Variants in SEZ6L observed in about 807,000 individuals in gnomAD.
SEZ6L encodes the protein seizure 6-like protein.
A neutral mutation model predicts 106.2 loss-of-function variants in SEZ6L; 37 were observed. The observed-to-expected ratio is 0.35, with a 90% CI of 0.27 to 0.46. The LOEUF is 0.46. SEZ6L is among the 20% of genes least tolerant of loss of function. SEZ6L has a pLI of 1.00. For synonymous variants in SEZ6L, 541 were observed against 570.4 expected (o/e 0.95, Z 0.73); for missense variants, 1,172 against 1,332.8 (o/e 0.88, Z 1.88).
At position 26,377,737 on chromosome 22, in the gene SEZ6L, G is replaced by T; in HGVS notation, c.3007G>T (p.Val1003Leu). ...CTCCCACCCCTACAGCCAGATCACC[G>T]TGGAAACCGAGTTTGACAACCCCAT... ...MYSHPYSQIT[V>L]ETEFDNPIYE... The change falls in exon 16 of 17, where the codon GTG becomes TTG. Residue 1003 changes from valine to leucine, a missense_variant. Transcript: ENST00000248933. 1 of 1,613,904 alleles carries T rather than the reference G, an allele frequency of 6.2e-7. No individual in the cohort carries two copies. Among genetic ancestry groups the T allele is most frequent in the Non-Finnish European group, 8.5e-7 (1 of 1,179,862 alleles).
Position 26,375,640 on chromosome 22 carries a change from G to A in SEZ6L, c.2893G>A (p.Val965Ile). ...GNMALAIFIPVLIISLLLGGA... is the reference protein window; with the variant it reads ...GNMALAIFIPILIISLLLGGA... ...CATGGCCCTGGCTATCTTCATCCCG[G>A]TCCTCATCATCTCCTTACTGCTGGG... is the stretch of plus-strand genomic sequence containing the variant. The change falls in exon 15 of 17, where the codon GTC (valine) becomes ATC (isoleucine). Residue 965 changes from valine to isoleucine, a missense_variant. By Grantham distance (29) the Val-to-Ile change is conservative. Around this residue, in one of 4 missense-constraint regions of SEZ6L, gnomAD observed 141 missense variants for 176.0 expected, o/e 0.80. Transcript: ENST00000248933. The A allele has an allele frequency of 6.2e-7, 1 of 1,614,168 alleles. No homozygotes were observed. Among genetic ancestry groups the A allele is most frequent in the Non-Finnish European group, 8.5e-7 (1 of 1,180,024 alleles).
intron 13 of SEZ6L, among the ~76,000 whole-genome samples, chr22:26,371,573 A>G (rs967106262): frequency 3.9e-5 from 6 of 152,048 alleles, no homozygotes; most frequent in African/African-American, 1.4e-4. Context: ...CCGAGGTTGC[A>G]GTGGGCTGAG....
At position 26,380,376 on chromosome 22, in the gene SEZ6L, T is replaced by C; in HGVS notation, c.*81T>C. 9.0e-7 allele frequency: 1 copy of C among 1,117,076 alleles called. No individual in the cohort carries two copies. The highest frequency in any genetic ancestry group is 1.4e-6 in the Non-Finnish European group (1 of 735,796). The allele number at this position is 1,117,076 out of a possible 1,614,324, so 69.2% of individuals were successfully genotyped here. On this transcript the variant is annotated 3_prime_UTR_variant, in exon 17 of 17. Transcript: ENST00000248933. ...ATTCATCCAGAGACCATGTGGCACT[T>C]GATTGAAACCCCAGAATGTCGACTG...
chr22:26,337,817 C>T (rs1054687230), intron 9 of SEZ6L, among the ~76,000 whole-genome samples: 2 of 152,066 alleles, frequency 1.3e-5, no homozygotes, highest in African/African-American at 2.4e-5. Flanking sequence ...AAAATTATGG[C>T]GGCAATCAAA....
At chr22:26,318,531 A>T (rs758614780) in intron 9 of SEZ6L, among the ~76,000 whole-genome samples, 10 of 152,188 alleles carry the variant, frequency 6.6e-5, no homozygotes, top group Admixed American at 6.5e-4. Flanking sequence ...GAAGAAATTC[A>T]TGTTTTTAAG....
At position 26,292,425 on chromosome 22, in the gene SEZ6L, T is replaced by G. The variant is rs548220330; in HGVS notation, c.114T>G (p.Asp38Glu). 6.2e-7 allele frequency: 1 copy of G among 1,613,304 alleles called. No individual in the cohort carries two copies. Among genetic ancestry groups the G allele is most frequent in the Admixed American group, 1.7e-5 (1 of 59,956 alleles). ...TCCAAGATGCTCTTCCCGAGGGAGA[T>G]GCTAGCCCTTTGGGTCCTTACCTCC... Reference protein sequence around the residue: ...ALERDALPEGDASPLGPYLLP... With the variant: ...ALERDALPEGEASPLGPYLLP... The change falls in exon 2 of 17, where the codon GAT becomes GAG. Residue 38 changes from aspartate (D) to glutamate (E), a missense_variant. This residue lies in a region of SEZ6L where 494 missense variants were observed against 445.8 expected (regional missense o/e 1.11). Transcript: ENST00000248933.
In SEZ6L at chr22:26,230,735, G is replaced by A. The variant is rs563346108; in HGVS notation, c.94+60972G>A. ...TGAGAAAAGGGAGGGAGAGAGCCCCGGGAAGAACCAGGGAGAATGTTCTGG... is the reference window on the plus strand; with the variant it reads ...TGAGAAAAGGGAGGGAGAGAGCCCCAGGAAGAACCAGGGAGAATGTTCTGG... On this transcript the variant is annotated intron_variant, in intron 1 of 16. Transcript: ENST00000248933. Among the ~76,000 whole-genome samples the A allele has an allele frequency of 2.9e-4, 44 of 152,256 alleles. 1 individual carries two copies. In the South Asian group the frequency reaches 6.8e-3, roughly 24 times the overall value.
chr22:26,225,107 C>T (rs1380618078), intron 1 of SEZ6L, among the ~76,000 whole-genome samples: 2 of 152,184 alleles, frequency 1.3e-5, no homozygotes, highest in Non-Finnish European at 2.9e-5. Context: ...AGATTTGTCC[C>T]AGCCATTCTA....
At chr22:26,235,664 A>T (rs1378461382) in intron 1 of SEZ6L, among the ~76,000 whole-genome samples, 1 of 152,178 alleles carries the variant, frequency 6.6e-6, no homozygotes, top group East Asian at 1.9e-4. Context: ...AAGAAAGAGA[A>T]GGCATTCTAA....
intron 1 of SEZ6L, among the ~76,000 whole-genome samples, chr22:26,171,161 G>T (rs1938579123): frequency 6.6e-6 from 1 of 152,136 alleles, no homozygotes; most frequent in Non-Finnish European, 1.5e-5. Context: ...ATCACCTTTT[G>T]TTTAACAAAG....
At chr22:26,259,678 G>A (rs2079936490) in intron 1 of SEZ6L, among the ~76,000 whole-genome samples, 2 of 152,198 alleles carry the variant, frequency 1.3e-5, no homozygotes, top group South Asian at 4.1e-4. Flanking sequence ...TCCACCACGT[G>A]AATAGCTCAA....
intron 1 of SEZ6L, among the ~76,000 whole-genome samples, chr22:26,210,054 A>G (rs2078112734): frequency 6.6e-6 from 1 of 151,222 alleles, no homozygotes; most frequent in African/African-American, 2.4e-5. Context: ...TGTAAATACC[A>G]TGCACTATGT....
chr22:26,232,488 T>G (rs1253144923), intron 1 of SEZ6L, among the ~76,000 whole-genome samples: 2 of 152,158 alleles, frequency 1.3e-5, no homozygotes, highest in Non-Finnish European at 2.9e-5. Context: ...TACAGCCATG[T>G]GCCGCATAAC....
At chr22:26,231,288 G>A (rs371364158) in intron 1 of SEZ6L, among the ~76,000 whole-genome samples, 1 of 152,144 alleles carries the variant, frequency 6.6e-6, no homozygotes, top group East Asian at 1.9e-4. Context: ...CCATGGAAAG[G>A]GACAGTAACT....
chr22:26,371,010 A>T (rs945661585), intron 13 of SEZ6L, among the ~76,000 whole-genome samples: 141 of 151,070 alleles, frequency 9.3e-4, no homozygotes, highest in African/African-American at 3.0e-3. Context: ...TATCACAAAA[A>T]AAAAAAAAAA....
chr22:26,298,885 T>C (rs2081373031), intron 4 of SEZ6L, 99 bp from the exon 5 acceptor site: 3 of 1,199,982 alleles, frequency 2.5e-6, no homozygotes, highest in Non-Finnish European at 3.4e-6. Flanking sequence ...AGGGGCCTCA[T>C]CTTCTCTCCC....
chr22:26,342,864 C>G (rs1304543137), intron 10 of SEZ6L, among the ~76,000 whole-genome samples: 1 of 152,182 alleles, frequency 6.6e-6, no homozygotes, highest in Admixed American at 6.5e-5. Context: ...CAAGCTACCC[C>G]CTTGACCATG....
At chr22:26,325,009 G>C (rs1331462089) in intron 9 of SEZ6L, among the ~76,000 whole-genome samples, 3 of 152,154 alleles carry the variant, frequency 2.0e-5, no homozygotes, top group African/African-American at 7.2e-5. Context: ...GGATGGGTTG[G>C]CTGTCGTGGT....
intron 1 of SEZ6L, among the ~76,000 whole-genome samples, chr22:26,269,650 C>T (rs191434741): frequency 6.6e-6 from 1 of 152,324 alleles, no homozygotes; most frequent in Admixed American, 6.5e-5. Context: ...GCTAACGTCT[C>T]CCAGTCTCTG....
Sources: gnomAD v4.1 joint callset for allele counts (sites outside exome capture counted in the v4.1 genomes callset) on GRCh38, gnomAD v4.1.1 for gene constraint, gnomAD v4.1.1 regional missense constraint, MANE v1.5 for transcripts, NCBI Gene and HGNC (gene_info 2026-07-23, HGNC 2026-07-21) for gene names.